The following IFT80 variants were observed in gnomAD, a reference collection of about 807,000 sequenced individuals.
IFT80 encodes the protein intraflagellar transport 80.
In IFT80, 79 loss-of-function variants were observed where a neutral mutation model predicts 107.9. The ratio of observed to expected loss-of-function variants is 0.73; its 90% CI spans 0.61 to 0.88. The LOEUF (loss-of-function observed/expected upper bound fraction) is 0.88. Ranked by LOEUF, IFT80 falls within the 40% of genes least tolerant of loss-of-function variation. The probability of loss-of-function intolerance (pLI) is 0.00; values close to 1 mark genes in which losing one functional copy is unlikely to be tolerated. For missense variants in IFT80, 797 were observed against 914.2 expected (o/e 0.87, Z 1.65); for synonymous variants, 299 against 300.9 (o/e 0.99, Z 0.07).
At chr3:160,277,246 G>T in intron 18 of IFT80, 60 bp downstream of exon 18, 2 of 1,401,258 alleles carry the variant, frequency 1.4e-6, no homozygotes, top group Non-Finnish European at 2.0e-6. Context: ...CTAAGTGGTA[G>T]ATGGAAAAAT....
intron 10 of IFT80, among the ~76,000 whole-genome samples, chr3:160,304,259 A>C (rs1212616288): frequency 6.6e-6 from 1 of 152,162 alleles, no homozygotes. Context: ...ATGCGAACTG[A>C]GGAATTCTAA....
chr3:160,269,222 CAAAA>C (rs10539287), intron 18 of IFT80, among the ~76,000 whole-genome samples: 5 of 104,900 alleles, frequency 4.8e-5, no homozygotes, highest in Admixed American at 1.1e-4. Context: ...GAGCGAGACT[CAAAA>C]AAAAAAAAAA....
chr3:160,352,017 A>ATT (rs553114042), intron 8 of IFT80, among the ~76,000 whole-genome samples: 42 of 143,768 alleles, frequency 2.9e-4, no homozygotes, highest in African/African-American at 1.0e-3. Flanking sequence ...CACAATAGTA[A>ATT]TTTTTTTTTT....
chr3:160,294,508 A>C (rs1311157002), intron 12 of IFT80, among the ~76,000 whole-genome samples: 1 of 152,268 alleles, frequency 6.6e-6, no homozygotes, highest in African/African-American at 2.4e-5. Flanking sequence ...GGCGTAAGCC[A>C]CCATGTCCAG....
intron 8 of IFT80, among the ~76,000 whole-genome samples, chr3:160,336,059 T>G (rs1001908348): frequency 1.3e-5 from 2 of 152,214 alleles, no homozygotes; most frequent in Non-Finnish European, 2.9e-5. Flanking sequence ...CACTAGGCAG[T>G]GGATGGACAC....
intron 9 of IFT80, among the ~76,000 whole-genome samples, chr3:160,310,884 C>T (rs2108281931): frequency 6.6e-6 from 1 of 152,180 alleles, no homozygotes; most frequent in South Asian, 2.1e-4. Flanking sequence ...GCCTTTATTC[C>T]CAGCACTTTG....
intron 8 of IFT80, among the ~76,000 whole-genome samples, chr3:160,327,044 G>C (rs561330797): frequency 2.8e-4 from 42 of 152,088 alleles, no homozygotes; most frequent in African/African-American, 1.0e-3. Flanking sequence ...GACAAGCAGA[G>C]AGCCAAATCA....
intron 12 of IFT80, chr3:160,299,232 T>C: frequency 6.1e-6 from 7 of 1,144,414 alleles, no homozygotes; most frequent in Admixed American, 3.8e-5. Context: ...AAAAAGGAAG[T>C]CCTTTAAAAA....
intron 9 of IFT80, among the ~76,000 whole-genome samples, chr3:160,311,636 A>G (rs1717258031): frequency 6.6e-6 from 1 of 152,194 alleles, no homozygotes; most frequent in African/African-American, 2.4e-5. Context: ...TTTTTAGGGA[A>G]GAGGAGGTTG....
At chr3:160,386,122 A>C (rs1302896500) in intron 1 of IFT80, among the ~76,000 whole-genome samples, 1 of 152,212 alleles carries the variant, frequency 6.6e-6, no homozygotes, top group Non-Finnish European at 1.5e-5. Flanking sequence ...ACAAGAAAGG[A>C]ATCACTAACA....
rs141577294 is a variant in IFT80, at chr3:160,290,705, C to T, written c.1316-4837G>A. On this transcript the variant is annotated intron_variant, in intron 12 of 19. Coordinates refer to ENST00000326448, the MANE Select transcript of IFT80 (RefSeq NM_020800.3). ...AAGCAATTCTCCTGCCTCACCCTCCCGAATAGCTGGGATGCCAGCTAATTT... is the reference window on the plus strand; with the variant it reads ...AAGCAATTCTCCTGCCTCACCCTCCTGAATAGCTGGGATGCCAGCTAATTT... 3.7e-4 allele frequency among the ~76,000 whole-genome samples: 56 copies of T among 152,134 alleles called. 1 individual carries two copies. The East Asian group carries it at 7.4e-3, about 20-fold the overall frequency.
At chr3:160,372,240 G>T (rs1398911314) in intron 5 of IFT80, among the ~76,000 whole-genome samples, 1 of 152,132 alleles carries the variant, frequency 6.6e-6, no homozygotes, top group Non-Finnish European at 1.5e-5. Flanking sequence ...TGATAATTCA[G>T]GTTTATATTA....
intron 1 of IFT80, among the ~76,000 whole-genome samples, chr3:160,397,716 C>CTT (rs545413654): frequency 0.03 from 2,878 of 96,476 alleles, 209 homozygotes; most frequent in African/African-American, 0.076. Context: ...TTGGTCTATA[C>CTT]TTTTTTTTTT....
chr3:160,267,396 C>G (rs754728244), intron 19 of IFT80, among the ~76,000 whole-genome samples: 2 of 152,020 alleles, frequency 1.3e-5, no homozygotes, highest in African/African-American at 2.4e-5. Flanking sequence ...CTATAAGCTC[C>G]AAAGAGACAT....
At position 160,258,642 on chromosome 3, in the gene IFT80, T is replaced by C. The variant is rs1483249045; in HGVS notation, c.2224-7A>G. ...TCTCCCAATCTATTTGGAGCTGCAA[T>C]AGAAAAAAAAAAGAAGAAATATGCT... On this transcript the variant is annotated splice_polypyrimidine_tract_variant and splice_region_variant and intron_variant, in intron 19 of 19. Coordinates refer to ENST00000326448, the MANE Select transcript of IFT80 (RefSeq NM_020800.3). 1.9e-6 allele frequency: 3 copies of C among 1,574,668 alleles called. No individual in the cohort carries two copies. Among genetic ancestry groups the C allele is most frequent in the South Asian group, 1.1e-5 (1 of 88,820 alleles).
intron 12 of IFT80, among the ~76,000 whole-genome samples, chr3:160,286,958 A>T (rs976214127): frequency 3.3e-5 from 5 of 152,078 alleles, no homozygotes; most frequent in African/African-American, 1.2e-4. Flanking sequence ...AGGGGCTGAT[A>T]ATCAGATCAA....
chr3:160,258,477 T>A lies in IFT80; in HGVS notation c.*48A>T. On this transcript the variant is annotated 3_prime_UTR_variant, in exon 20 of 20. Transcript: ENST00000326448. ...CCAAAACATGCTTACCCTTGGTTAATCAGAACGTGTTTCAAAAGATAAAAT... is the reference window on the plus strand; with the variant it reads ...CCAAAACATGCTTACCCTTGGTTAAACAGAACGTGTTTCAAAAGATAAAAT... 6.2e-7 allele frequency: 1 copy of A among 1,611,656 alleles called. No homozygotes were observed. The highest frequency in any genetic ancestry group is 8.5e-7 in the Non-Finnish European group (1 of 1,179,286).
chr3:160,351,824 T>C (rs1720728953), intron 8 of IFT80, among the ~76,000 whole-genome samples: 1 of 151,486 alleles, frequency 6.6e-6, no homozygotes, highest in Non-Finnish European at 1.5e-5. Context: ...TTTGTGAAAA[T>C]ACACAAGGCA....
intron 1 of IFT80, among the ~76,000 whole-genome samples, chr3:160,389,272 C>G (rs1713174732): frequency 6.6e-6 from 1 of 152,056 alleles, no homozygotes; most frequent in African/African-American, 2.4e-5. Flanking sequence ...TTTCAGTCAT[C>G]TACTTAGATT....
Sources: allele counts gnomAD v4.1 joint callset (sites outside exome capture counted in the v4.1 genomes callset), GRCh38; gene constraint gnomAD v4.1.1; transcripts MANE v1.5; gene names NCBI Gene and HGNC (gene_info 2026-07-23, HGNC 2026-07-21).